The following ADGRA1 variants were observed in gnomAD, a reference collection of about 807,000 sequenced individuals.
ADGRA1 encodes adhesion G protein-coupled receptor A1.
A neutral mutation model predicts 21.3 loss-of-function variants in ADGRA1; 12 were observed. That is an observed-to-expected ratio of 0.56 (90% CI 0.36 to 0.91). The LOEUF is 0.91. Among genes scored for constraint, ADGRA1 ranks in the 40% least tolerant of loss-of-function variants. ADGRA1 has a pLI of 0.01. For synonymous variants in ADGRA1, 385 were observed against 368.8 expected, an observed-to-expected ratio of 1.04 and a Z score of -0.50; for missense variants, 790 against 805.6, an observed-to-expected ratio of 0.98 and a Z score of 0.23.
chr10:133,115,539 C>T (rs1852141224), intron 5 of ADGRA1, among the ~76,000 whole-genome samples: 1 of 152,214 alleles, frequency 6.6e-6, no homozygotes, highest in Admixed American at 6.5e-5. Context: ...AGGCCTGGCC[C>T]ATGCTTGGCA....
At chr10:133,096,807 G>A (rs147433156) in intron 2 of ADGRA1, among the ~76,000 whole-genome samples, 167 bp from the exon 3 acceptor site, 3 of 152,332 alleles carry the variant, frequency 2.0e-5, no homozygotes, top group Non-Finnish European at 4.4e-5. Context: ...ATCCACAGAC[G>A]CAGCCTGACC....
At chr10:133,115,189 G>C (rs1026831254) in intron 5 of ADGRA1, among the ~76,000 whole-genome samples, 1 of 152,060 alleles carries the variant, frequency 6.6e-6, no homozygotes, top group Non-Finnish European at 1.5e-5. Context: ...CTCACCCATC[G>C]CCTGAGTGGG....
rs17012237 is a variant in ADGRA1 at position 133,106,892 on chromosome 10, G to A, written c.401+4050G>A. On this transcript the variant is annotated intron_variant, in intron 5 of 6. Transcript: ENST00000392607. Reference sequence around the variant, plus strand: ...ATCTGGGGCCACGCCCGCTCTGAGCGCCACTGGAGTCACGATTGCATCTGA... The same window carrying A: ...ATCTGGGGCCACGCCCGCTCTGAGCACCACTGGAGTCACGATTGCATCTGA... 2.8e-3 allele frequency among the ~76,000 whole-genome samples: 421 copies of A among 152,360 alleles called. 2 individuals carry two copies. Among genetic ancestry groups the A allele is most frequent in the African/African-American group, 9.2e-3 (381 of 41,582 alleles).
chr10:133,112,394 GGGCCGCGTCCGTTATTTGGGGT>G (rs1852054526), intron 5 of ADGRA1, among the ~76,000 whole-genome samples: 1 of 137,924 alleles, frequency 7.3e-6, no homozygotes, highest in African/African-American at 3.1e-5. Context: ...TGGGGTCTAC[GGGCCGCGTCCGTTATTTGGGGT>G]CTGCGGGCCA....
At chr10:133,121,230 C>T (rs1312532638) in intron 5 of ADGRA1, among the ~76,000 whole-genome samples, 2 of 152,250 alleles carry the variant, frequency 1.3e-5, no homozygotes, top group African/African-American at 2.4e-5. Context: ...AAAATGAACA[C>T]ACGCTGTTGG....
intron 5 of ADGRA1, among the ~76,000 whole-genome samples, chr10:133,118,776 G>A (rs1400069017): frequency 2.6e-5 from 4 of 152,198 alleles, no homozygotes; most frequent in Non-Finnish European, 5.9e-5. Flanking sequence ...CATATCATGT[G>A]CACTGGAAAA....
In ADGRA1 at chr10:133,111,926, CCGCCG is replaced by C; in HGVS notation, c.401+9085_401+9089del. Among the ~76,000 whole-genome samples, 2 of 63,020 alleles carry C rather than the reference CCGCCG, an allele frequency of 3.2e-5. 1 individual carries two copies. The highest frequency in any genetic ancestry group is 1.2e-4 in the African/African-American group (2 of 16,066). The allele number at this position is 63,020 out of a possible 152,430, so 41.3% of individuals were successfully genotyped here. A position where few individuals can be genotyped will look rare whatever the true frequency, so the allele number is the denominator to read the frequency against. On this transcript the variant is annotated intron_variant, in intron 5 of 6. Coordinates refer to ENST00000392607, the MANE Select transcript of ADGRA1 (RefSeq NM_001083909.3). ...CTCCTAATGCCTCCAGACCACCTGC[CCGCCG>C]TGAGCACCTCCCTCCTAATCCCTCC...
chr10:133,129,787 G>A lies in ADGRA1; in HGVS notation c.*276G>A, dbSNP rs978547570. The stretch of plus-strand genomic sequence containing the variant: ...CCCCTTATCCCAATTCCGCGTGCTG[G>A]TCCCGCACACGGTCATCCGGTTTCT... On this transcript the variant is annotated 3_prime_UTR_variant, in exon 7 of 7. Transcript: ENST00000392607. 2 of 435,490 alleles carry A rather than the reference G, an allele frequency of 4.6e-6. No homozygotes were observed. Among genetic ancestry groups the A allele is most frequent in the African/African-American group, 4.2e-5 (2 of 48,188 alleles). The allele number at this position is 435,490 out of a possible 1,614,324, so 27.0% of individuals were successfully genotyped here. A position where few individuals can be genotyped will look rare whatever the true frequency, so the allele number is the denominator to read the frequency against.
intron 5 of ADGRA1, among the ~76,000 whole-genome samples, chr10:133,104,422 C>T (rs977237121): frequency 4.6e-5 from 7 of 152,218 alleles, no homozygotes; most frequent in Non-Finnish European, 1.0e-4. Context: ...AACACCCCGG[C>T]GCTCTTCCAT....
At chr10:133,122,731 G>A (rs953934186) in intron 5 of ADGRA1, among the ~76,000 whole-genome samples, 2 of 152,130 alleles carry the variant, frequency 1.3e-5, no homozygotes, top group South Asian at 2.1e-4. Context: ...CCTTGGGGCC[G>A]GCCCCACCCC....
chr10:133,105,423 C>T (rs746265451), intron 5 of ADGRA1, among the ~76,000 whole-genome samples: 5 of 152,112 alleles, frequency 3.3e-5, no homozygotes, highest in South Asian at 2.1e-4. Flanking sequence ...GAAGCAGCTG[C>T]GTGAACTCAG....
intron 2 of ADGRA1, chr10:133,095,635 TC>T: frequency 6.3e-7 from 1 of 1,587,698 alleles, no homozygotes. Flanking sequence ...TGTCAGCCAG[TC>T]CCTTGGCTCC....
chr10:133,118,562 G>T (rs1345082273), intron 5 of ADGRA1, among the ~76,000 whole-genome samples: 1 of 152,172 alleles, frequency 6.6e-6, no homozygotes, highest in Middle Eastern at 3.2e-3. Flanking sequence ...TTCACAAGGA[G>T]GCAGGAGAGA....
intron 5 of ADGRA1, among the ~76,000 whole-genome samples, chr10:133,122,827 G>A (rs1296665142): frequency 1.4e-5 from 2 of 143,662 alleles, no homozygotes; most frequent in East Asian, 2.0e-4. Flanking sequence ...CCAGGCACAC[G>A]CGTCCCCAGG....
intron 4 of ADGRA1, among the ~76,000 whole-genome samples, chr10:133,101,543 T>C (rs1021994069): frequency 2.6e-5 from 4 of 152,156 alleles, no homozygotes; most frequent in Admixed American, 1.3e-4. Flanking sequence ...CAAATGCACA[T>C]GGCACGGGTG....
At chr10:133,107,755 T>C (rs1851918663) in intron 5 of ADGRA1, among the ~76,000 whole-genome samples, 1 of 152,144 alleles carries the variant, frequency 6.6e-6, no homozygotes, top group African/African-American at 2.4e-5. Context: ...TCTGGCCCAT[T>C]GGTTGTTTTA....
rs45586231 is a variant in ADGRA1 at position 133,129,328 on chromosome 10, G to A, written c.1500G>A (p.Pro500=). ...SPALYSCPTQ[P]GREAALGPGH... is the part of the protein sequence containing the mutation. ...CCCTCTACAGCTGCCCCACGCAGCC[G>A]GGCAGGGAGGCAGCGCTCGGGCCCG... The change falls in exon 7 of 7, where the codon CCG becomes CCA. Residue 500 remains proline, a synonymous_variant. Transcript: ENST00000392607. 0.11 allele frequency: 169,435 copies of A among 1,567,722 alleles called. 15,331 individuals carry two copies. Among genetic ancestry groups the A allele is most frequent in the East Asian group, 0.48 (19,951 of 41,956 alleles).
chr10:133,089,862 G>A (rs1047782597), intron 2 of ADGRA1, among the ~76,000 whole-genome samples: 7 of 152,196 alleles, frequency 4.6e-5, no homozygotes, highest in African/African-American at 1.7e-4. Flanking sequence ...TTACCTTTCA[G>A]ACACCTGACA....
At chr10:133,114,789 T>A (rs145157878) in intron 5 of ADGRA1, among the ~76,000 whole-genome samples, 3 of 152,232 alleles carry the variant, frequency 2.0e-5, no homozygotes, top group Non-Finnish European at 4.4e-5. Context: ...CCCAGGGCAG[T>A]GAAGGTGCCG....
Sources: gnomAD v4.1 joint callset for allele counts (sites outside exome capture counted in the v4.1 genomes callset) on GRCh38, gnomAD v4.1.1 for gene constraint, MANE v1.5 for transcripts, NCBI Gene and HGNC (gene_info 2026-07-23, HGNC 2026-07-21) for gene names.